The following TBC1D2 variants were observed in gnomAD, a reference collection of about 807,000 sequenced individuals.
TBC1D2 encodes TBC1 domain family member 2A.
Under a neutral mutation model 91.1 loss-of-function variants are expected in TBC1D2, and 58 were observed. The observed-to-expected ratio is 0.64, with a 90% CI of 0.52 to 0.79. The LOEUF is 0.79. Among genes scored for constraint, TBC1D2 ranks in the 30% least tolerant of loss-of-function variants. The pLI is 0.00. For missense variants in TBC1D2, 1,080 were observed against 1,208.3 expected (o/e 0.89, Z 1.57); for synonymous variants, 482 against 511.5 (o/e 0.94, Z 0.78).
chr9:98,227,950 G>A (rs1829275479), intron 5 of TBC1D2, among the ~76,000 whole-genome samples: 2 of 152,094 alleles, frequency 1.3e-5, no homozygotes, highest in Non-Finnish European at 2.9e-5. Flanking sequence ...CCAAAATAGG[G>A]CAGAAAAGAA....
intron 10 of TBC1D2, among the ~76,000 whole-genome samples, chr9:98,201,904 C>T (rs1167469077): frequency 4.6e-5 from 7 of 152,198 alleles, no homozygotes; most frequent in African/African-American, 9.7e-5. Context: ...GGGCACTGGG[C>T]TCTGCAGTGG....
intron 1 of TBC1D2, among the ~76,000 whole-genome samples, chr9:98,253,330 T>C (rs1354223889): frequency 6.6e-6 from 1 of 152,160 alleles, no homozygotes; most frequent in Non-Finnish European, 1.5e-5. Flanking sequence ...CTCATTCTAT[T>C]TCCCTACTAT....
chr9:98,210,450 C>T (rs902399680), intron 8 of TBC1D2, among the ~76,000 whole-genome samples: 28 of 152,182 alleles, frequency 1.8e-4, no homozygotes, highest in African/African-American at 2.7e-4. Flanking sequence ...CAGCCTGTGC[C>T]GCAAATGTAC....
At position 98,228,858 on chromosome 9, in the gene TBC1D2, G is replaced by T; in HGVS notation, c.978+94C>A. ...AAGACCAGAGAGTAGCTGGTGCCCAGCACGGCTAATGCGTCCCATCTAGCT... is the reference window on the plus strand; with the variant it reads ...AAGACCAGAGAGTAGCTGGTGCCCATCACGGCTAATGCGTCCCATCTAGCT... On this transcript the variant is annotated intron_variant, in intron 5 of 12. Coordinates refer to ENST00000465784, the MANE Select transcript of TBC1D2 (RefSeq NM_001267571.2). The surrounding 1 kb of genome is among the most constrained non-coding windows in gnomAD (Gnocchi z 4.0). 1.6e-6 allele frequency: 2 copies of T among 1,245,218 alleles called. No homozygotes were observed. Among genetic ancestry groups the T allele is most frequent in the Non-Finnish European group, 1.1e-6 (1 of 888,428 alleles). The allele number at this position is 1,245,218 out of a possible 1,614,324, so 77.1% of individuals were successfully genotyped here.
chr9:98,210,643 C>A lies in TBC1D2; in HGVS notation c.1673+13G>T. Reference sequence around the variant, plus strand: ...CTCACATAGACCAGCCCTTCCTGGGCCGCCAGGCTCACCTGATGGGGCTCA... The same window carrying A: ...CTCACATAGACCAGCCCTTCCTGGGACGCCAGGCTCACCTGATGGGGCTCA... On this transcript the variant is annotated intron_variant, in intron 8 of 12. Coordinates refer to ENST00000465784, the MANE Select transcript of TBC1D2 (RefSeq NM_001267571.2). 6.4e-7 allele frequency: 1 copy of A among 1,567,192 alleles called. No homozygotes were observed. Among genetic ancestry groups the A allele is most frequent in the Non-Finnish European group, 8.7e-7 (1 of 1,154,026 alleles).
chr9:98,237,456 C>T (rs1829533910), intron 3 of TBC1D2, among the ~76,000 whole-genome samples: 1 of 151,674 alleles, frequency 6.6e-6, no homozygotes, highest in Admixed American at 6.6e-5. Flanking sequence ...GTCTGGATTA[C>T]TATAGCTTTG....
chr9:98,222,825 A>T (rs1264254608), intron 5 of TBC1D2, among the ~76,000 whole-genome samples: 6 of 152,372 alleles, frequency 3.9e-5, no homozygotes, highest in Middle Eastern at 3.4e-3. Context: ...TGCTAAGAAC[A>T]ATTCTATATT....
At chr9:98,222,360 A>G (rs1242541692) in intron 5 of TBC1D2, among the ~76,000 whole-genome samples, 1 of 152,184 alleles carries the variant, frequency 6.6e-6, no homozygotes, top group Non-Finnish European at 1.5e-5. Context: ...TACACTGGCA[A>G]TCCCCATGTA....
intron 2 of TBC1D2, among the ~76,000 whole-genome samples, chr9:98,247,728 CAA>C (rs58713846): frequency 0.018 from 1,296 of 70,816 alleles, 11 homozygotes; most frequent in African/African-American, 0.056. Context: ...GACTCCGTCT[CAA>C]AAAAAAAAAA....
chr9:98,208,841 GC>G lies in TBC1D2; in HGVS notation c.1976del (p.Gly659AlafsTer16). 6.2e-7 allele frequency: 1 copy of G among 1,610,578 alleles called. No homozygotes were observed. Among genetic ancestry groups the G allele is most frequent in the Non-Finnish European group, 8.5e-7 (1 of 1,177,192 alleles). Reference protein sequence around the residue: ...PGCYQELLSRGQAREHPAARQ... With the variant: ...PGCYQELLSRXQAREHPAARQ... ...GGGCAGCAGGGTGCTCGCGGGCCTG[GC>G]CCCGGCTCAGCAGTTCCTGGTAGCA... On this transcript the variant is annotated frameshift_variant, in exon 9 of 13. Transcript: ENST00000465784. LOFTEE classifies it high-confidence loss of function.
Position 98,209,181 on chromosome 9 carries a change from A to G in TBC1D2, c.1674-37T>C, listed in dbSNP as rs375511824. The G allele has an allele frequency of 1.2e-5, 19 of 1,582,532 alleles. No individual in the cohort carries two copies. The African/African-American group carries it at 2.3e-4, about 19-fold the overall frequency. The stretch of plus-strand genomic sequence containing the variant: ...AGTGCACGTTAGCAACACCTTGCAG[A>G]GCCCTTCCCTAGATAAGGGGTGGTG... On this transcript the variant is annotated intron_variant, in intron 8 of 12. Coordinates refer to ENST00000465784, the MANE Select transcript of TBC1D2 (RefSeq NM_001267571.2).
At position 98,199,511 on chromosome 9, in the gene TBC1D2, C is replaced by T. The variant is rs1053262647; in HGVS notation, c.2657G>A (p.Arg886Gln). 97 of 1,614,186 alleles carry T rather than the reference C, an allele frequency of 6.0e-5. No individual in the cohort carries two copies. The highest frequency in any genetic ancestry group is 4.9e-4 in the Middle Eastern group (3 of 6,062). Residue 886 changes from arginine to glutamine, a missense_variant, in exon 13 of 13, where the codon CGG (arginine) becomes CAG (glutamine). Coordinates refer to ENST00000465784, the MANE Select transcript of TBC1D2 (RefSeq NM_001267571.2). ...CCGCAGCTCAGCCTCCAGCCGCTCC[C>T]GGTGGACCATGCGCAGCTGCCGCAG... Reference protein sequence around the residue: ...KQLRQLRMVHRERLEAELREL... With the variant: ...KQLRQLRMVHQERLEAELREL...
intron 10 of TBC1D2, among the ~76,000 whole-genome samples, chr9:98,202,311 T>G (rs1454948550): frequency 6.6e-6 from 1 of 152,238 alleles, no homozygotes; most frequent in Admixed American, 6.5e-5. Flanking sequence ...CTCTCAGCAC[T>G]GGCTCCAAGA....
intron 6 of TBC1D2, chr9:98,213,565 G>T: frequency 6.6e-6 from 2 of 301,938 alleles, no homozygotes; most frequent in Non-Finnish European, 1.1e-5. Context: ...AACTAAGTGA[G>T]ATAATGTGTG....
rs200751389 is a variant in TBC1D2 at position 98,251,976 on chromosome 9, A to G, written c.370-50T>C. 123 of 1,559,952 alleles carry G rather than the reference A, an allele frequency of 7.9e-5. 1 individual carries two copies. The Admixed American group carries it at 2.5e-3, about 31-fold the overall frequency. On this transcript the variant is annotated intron_variant, in intron 1 of 12. Coordinates refer to ENST00000465784, the MANE Select transcript of TBC1D2 (RefSeq NM_001267571.2). ...CAAGGCCCTGTGCCTGAAGGGTGGCACTGGGTGCAGGAAGAGGGGAAGGTT... is the reference window on the plus strand; with the variant it reads ...CAAGGCCCTGTGCCTGAAGGGTGGCGCTGGGTGCAGGAAGAGGGGAAGGTT...
intron 9 of TBC1D2, among the ~76,000 whole-genome samples, chr9:98,204,766 C>T (rs1461403044): frequency 1.3e-5 from 2 of 152,226 alleles, no homozygotes; most frequent in African/African-American, 4.8e-5. Context: ...CACAGGTCTC[C>T]TGGGAAATAG....
chr9:98,210,021 C>G (rs1289064793), intron 8 of TBC1D2, among the ~76,000 whole-genome samples: 1 of 148,564 alleles, frequency 6.7e-6, no homozygotes, highest in Non-Finnish European at 1.5e-5. Context: ...AGACAGGATT[C>G]CAATATATTG....
rs1369805089 is a variant in TBC1D2, at chr9:98,228,192, T to C, written c.978+760A>G. Among the ~76,000 whole-genome samples the C allele has an allele frequency of 6.6e-6, 1 of 152,166 alleles. No individual in the cohort carries two copies. Among genetic ancestry groups the C allele is most frequent in the Non-Finnish European group, 1.5e-5 (1 of 68,026 alleles). ...GTCCTACCAGGCCCCACCGTTGGGA[T>C]TTATGTAACAACTGCCTAACTTAGT... On this transcript the variant is annotated intron_variant, in intron 5 of 12. Transcript: ENST00000465784. The surrounding 1 kb of genome is among the most constrained non-coding windows in gnomAD (Gnocchi z 4.0).
In TBC1D2 at chr9:98,217,883, T is replaced by C. The variant is rs985851996; in HGVS notation, c.1374+2950A>G. Among the ~76,000 whole-genome samples the C allele has an allele frequency of 5.3e-5, 8 of 152,000 alleles. No individual in the cohort carries two copies. The East Asian group carries it at 1.5e-3, about 29-fold the overall frequency. Reference sequence around the variant, plus strand: ...CGGGTGCCTTCATACCTAGTGAATTTATTTTATTTTTTTTTAGAGACAGGG... The same window carrying C: ...CGGGTGCCTTCATACCTAGTGAATTCATTTTATTTTTTTTTAGAGACAGGG... On this transcript the variant is annotated intron_variant, in intron 6 of 12. Transcript: ENST00000465784.
Sources: allele counts gnomAD v4.1 joint callset (sites outside exome capture counted in the v4.1 genomes callset), GRCh38; gene constraint gnomAD v4.1.1; non-coding constraint Gnocchi (gnomAD v3.1); transcripts MANE v1.5; gene names NCBI Gene and HGNC (gene_info 2026-07-23, HGNC 2026-07-21).